The following OLFM3 variants were observed in gnomAD, a reference collection of about 807,000 sequenced individuals.
The protein encoded by OLFM3 is olfactomedin 3.
In OLFM3, 20 loss-of-function variants were observed where a neutral mutation model predicts 48.6. The observed-to-expected ratio is 0.41, with a 90% CI of 0.29 to 0.60. OLFM3 has a LOEUF of 0.60. Ranked by LOEUF, OLFM3 falls within the 20% of genes least tolerant of loss-of-function variation. OLFM3 has a pLI of 0.28. For synonymous variants in OLFM3, 222 were observed against 198.1 expected, an observed-to-expected ratio of 1.12 and a Z score of -1.01; for missense variants, 437 against 544.3, an observed-to-expected ratio of 0.80 and a Z score of 1.96.
intron 1 of OLFM3, among the ~76,000 whole-genome samples, chr1:101,950,645 C>T (rs1226035920): frequency 6.6e-6 from 1 of 151,952 alleles, no homozygotes; most frequent in Non-Finnish European, 1.5e-5. Flanking sequence ...GGAGTTTCAC[C>T]GTGTTAGCCA....
chr1:101,945,425 C>T (rs1218611756), intron 1 of OLFM3, among the ~76,000 whole-genome samples: 1 of 152,018 alleles, frequency 6.6e-6, no homozygotes, highest in Non-Finnish European at 1.5e-5. Context: ...TGGTATGATT[C>T]CATTTATCTA....
chr1:101,871,675 A>ATAT (rs1315994199), intron 1 of OLFM3, among the ~76,000 whole-genome samples: 2 of 152,082 alleles, frequency 1.3e-5, no homozygotes, highest in Non-Finnish European at 2.9e-5. Context: ...CAAACAAATC[A>ATAT]TATTTATAAT....
At chr1:101,841,930 G>A (rs1425736654) in intron 1 of OLFM3, among the ~76,000 whole-genome samples, 1 of 152,304 alleles carries the variant, frequency 6.6e-6, no homozygotes, top group African/African-American at 2.4e-5. Flanking sequence ...TAAATTTTCT[G>A]TCTGAAGATA....
At chr1:101,887,919 A>T (rs1399759754) in intron 1 of OLFM3, among the ~76,000 whole-genome samples, 5 of 152,138 alleles carry the variant, frequency 3.3e-5, no homozygotes, top group African/African-American at 1.2e-4. Flanking sequence ...AAGAATTGTT[A>T]AATAAAAAAG....
chr1:101,961,760 A>T lies in OLFM3; in HGVS notation c.69+34988T>A, dbSNP rs957945983. The stretch of plus-strand genomic sequence containing the variant: ...TTTTCATGACTGAAAGATATAACTT[A>T]TGAAGTTATTCAGGACACTGGACAT... On this transcript the variant is annotated intron_variant, in intron 1 of 5. Coordinates refer to ENST00000370103, the MANE Select transcript of OLFM3 (RefSeq NM_058170.4). Among the ~76,000 whole-genome samples the T allele has an allele frequency of 1.2e-4, 18 of 152,194 alleles. 1 individual carries two copies. The highest frequency in any genetic ancestry group is 6.5e-5 in the Admixed American group (1 of 15,276).
chr1:101,910,126 TC>T, intron 1 of OLFM3: 1 of 985,372 alleles, frequency 1.0e-6, no homozygotes, highest in Non-Finnish European at 1.2e-6. Flanking sequence ...AGTTAAATAA[TC>T]CTCTTCATCA....
chr1:101,879,779 G>T (rs761539390), intron 1 of OLFM3, among the ~76,000 whole-genome samples: 1 of 151,752 alleles, frequency 6.6e-6, no homozygotes, highest in Non-Finnish European at 1.5e-5. Flanking sequence ...CTTGGTAAAT[G>T]CATTTTCTGA....
intron 1 of OLFM3, among the ~76,000 whole-genome samples, chr1:101,879,658 G>A (rs1300558491): frequency 1.3e-5 from 2 of 151,732 alleles, no homozygotes; most frequent in African/African-American, 4.8e-5. Flanking sequence ...ATTTAGCTAT[G>A]GATTGATTGA....
chr1:101,953,126 C>T (rs139416690), intron 1 of OLFM3, among the ~76,000 whole-genome samples: 8 of 152,186 alleles, frequency 5.3e-5, no homozygotes, highest in Admixed American at 1.3e-4. Flanking sequence ...GATAGCATGT[C>T]GGACATACTG....
chr1:101,984,430 C>G (rs922972005), intron 1 of OLFM3, among the ~76,000 whole-genome samples: 1 of 152,082 alleles, frequency 6.6e-6, no homozygotes, highest in African/African-American at 2.4e-5. Flanking sequence ...ATAAGCAGTG[C>G]TCTGTCGCCC....
At chr1:101,828,870 A>G (rs1321795420) in intron 3 of OLFM3, among the ~76,000 whole-genome samples, 1 of 151,664 alleles carries the variant, frequency 6.6e-6, no homozygotes, top group Non-Finnish European at 1.5e-5. Flanking sequence ...TTATTATTTT[A>G]CCATCTACAC....
intron 1 of OLFM3, among the ~76,000 whole-genome samples, chr1:101,961,110 T>A (rs1557747637): frequency 6.6e-6 from 1 of 152,128 alleles, no homozygotes; most frequent in African/African-American, 2.4e-5. Context: ...TAGGAATGCT[T>A]ATCTATAGAA....
intron 1 of OLFM3, among the ~76,000 whole-genome samples, chr1:101,947,016 GA>G (rs1397573655): frequency 2.6e-5 from 4 of 152,144 alleles, no homozygotes; most frequent in African/African-American, 9.7e-5. Context: ...TTTTAAGTGA[GA>G]AAATCTGGCT....
At chr1:101,826,129 AACACACACACACACACACACAC>A (rs66617960) in intron 3 of OLFM3, among the ~76,000 whole-genome samples, 234 of 133,076 alleles carry the variant, frequency 1.8e-3, no homozygotes, top group African/African-American at 6.2e-3. Flanking sequence ...ACTTTCGTCA[AACACACACACACACACACACAC>A]ACACACACAC....
intron 1 of OLFM3, among the ~76,000 whole-genome samples, chr1:101,902,431 G>A (rs1457214991): frequency 6.6e-6 from 1 of 151,860 alleles, no homozygotes; most frequent in African/African-American, 2.4e-5. Flanking sequence ...ATCACAGAGA[G>A]GAAATGAAGA....
chr1:101,929,440 G>T (rs1385635042), intron 1 of OLFM3, among the ~76,000 whole-genome samples: 1 of 152,050 alleles, frequency 6.6e-6, no homozygotes, highest in Non-Finnish European at 1.5e-5. Context: ...AGTGGACTCA[G>T]CTCTTGGTGG....
At chr1:101,811,575 CAT>C (rs1459143551) in intron 4 of OLFM3, among the ~76,000 whole-genome samples, 1 of 152,128 alleles carries the variant, frequency 6.6e-6, no homozygotes, top group African/African-American at 2.4e-5. Flanking sequence ...AGCCAACAGA[CAT>C]ATGAAAAAAT....
intron 1 of OLFM3, among the ~76,000 whole-genome samples, chr1:101,854,446 T>A (rs1047275524): frequency 3.3e-5 from 5 of 152,038 alleles, no homozygotes; most frequent in Non-Finnish European, 5.9e-5. Context: ...GCCCGGGGGA[T>A]CCTCCGTTGG....
In OLFM3 at chr1:101,973,494, C is replaced by G. The variant is rs185710987; in HGVS notation, c.69+23254G>C. ...TTAAACTTTTCTGGAAAAATATTCA[C>G]AAACATACCTAGAAATAATGTTTTG... On this transcript the variant is annotated intron_variant, in intron 1 of 5. Coordinates refer to ENST00000370103, the MANE Select transcript of OLFM3 (RefSeq NM_058170.4). 1.6e-4 allele frequency among the ~76,000 whole-genome samples: 24 copies of G among 152,330 alleles called. No homozygotes were observed. The East Asian group carries it at 3.5e-3, about 22-fold the overall frequency.
Sources: gnomAD v4.1 joint callset for allele counts (sites outside exome capture counted in the v4.1 genomes callset) on GRCh38, gnomAD v4.1.1 for gene constraint, MANE v1.5 for transcripts, NCBI Gene and HGNC (gene_info 2026-07-23, HGNC 2026-07-21) for gene names.